The following SYT1 variants were observed in gnomAD, a reference collection of about 807,000 sequenced individuals.
SYT1 encodes synaptotagmin-1.
Under a neutral mutation model 44.8 loss-of-function variants are expected in SYT1, and 8 were observed. The observed-to-expected ratio is 0.18, with a 90% confidence interval of 0.10 to 0.32. The LOEUF (loss-of-function observed/expected upper bound fraction) is 0.32. Among genes scored for constraint, SYT1 ranks in the 10% least tolerant of loss-of-function variants. The pLI is 1.00. For synonymous variants in SYT1, 154 were observed against 188.8 expected, an observed-to-expected ratio of 0.82 and a Z score of 1.51; for missense variants, 286 against 509.3, an observed-to-expected ratio of 0.56 and a Z score of 4.22.
At chr12:79,148,029 A>G (rs1870030779) in intron 3 of SYT1, among the ~76,000 whole-genome samples, 1 of 152,138 alleles carries the variant, frequency 6.6e-6, no homozygotes, top group East Asian at 1.9e-4. Context: ...CATTAATGAA[A>G]AAAAAGATTT....
At chr12:79,342,538 G>C (rs78131472) in intron 8 of SYT1, among the ~76,000 whole-genome samples, 3,485 of 152,256 alleles carry the variant, frequency 0.023, 53 homozygotes, top group Middle Eastern at 0.065. Context: ...TTATTTAAAA[G>C]GTGACTCTGT....
intron 8 of SYT1, among the ~76,000 whole-genome samples, chr12:79,305,686 GTCTAAAAGCCTACACTTGCCATT>G (rs1880358836): frequency 6.6e-6 from 1 of 152,080 alleles, no homozygotes; most frequent in African/African-American, 2.4e-5. Context: ...TCAAACACAG[GTCTAAAAGCCTACACTTGCCATT>G]TTTTGAGATT....
chr12:79,342,038 G>T (rs1318487624), intron 8 of SYT1, among the ~76,000 whole-genome samples: 1 of 151,996 alleles, frequency 6.6e-6, no homozygotes, highest in Non-Finnish European at 1.5e-5. Context: ...AGTGTAGGTG[G>T]CGTGGCACAG....
At chr12:79,291,110 A>G (rs923795359) in intron 5 of SYT1, among the ~76,000 whole-genome samples, 1 of 152,208 alleles carries the variant, frequency 6.6e-6, no homozygotes, top group Non-Finnish European at 1.5e-5. Flanking sequence ...ATTTTTTAAA[A>G]AGAAGAGCAT....
intron 1 of SYT1, among the ~76,000 whole-genome samples, chr12:78,956,116 A>C (rs570136209): frequency 6.2e-4 from 95 of 152,072 alleles, no homozygotes; most frequent in Non-Finnish European, 9.9e-4. Context: ...TTTGAATGGA[A>C]ATGTGGTATG....
At chr12:78,961,599 G>A (rs1879508036) in intron 1 of SYT1, among the ~76,000 whole-genome samples, 1 of 151,806 alleles carries the variant, frequency 6.6e-6, no homozygotes, top group African/African-American at 2.4e-5. Flanking sequence ...TATTTCCCTG[G>A]GTCGCAAGCA....
At chr12:79,268,445 G>C (rs1878247876) in intron 4 of SYT1, among the ~76,000 whole-genome samples, 1 of 152,142 alleles carries the variant, frequency 6.6e-6, no homozygotes, top group African/African-American at 2.4e-5. Flanking sequence ...ATATATGTTA[G>C]TCAAATCTGC....
intron 1 of SYT1, among the ~76,000 whole-genome samples, chr12:78,896,691 A>G (rs1252117636): frequency 6.6e-6 from 1 of 151,848 alleles, no homozygotes; most frequent in African/African-American, 2.4e-5. Flanking sequence ...TATAATGTAG[A>G]AAGCCATGCC....
At chr12:79,354,911 T>C (rs1481471390) in intron 9 of SYT1, among the ~76,000 whole-genome samples, 1 of 152,216 alleles carries the variant, frequency 6.6e-6, no homozygotes, top group Non-Finnish European at 1.5e-5. Context: ...GATTTCTTTG[T>C]ATCCTGTCTC....
intron 9 of SYT1, among the ~76,000 whole-genome samples, chr12:79,386,234 T>C (rs868663017): frequency 2.6e-5 from 4 of 152,038 alleles, no homozygotes; most frequent in African/African-American, 9.7e-5. Flanking sequence ...ATTTAAATAA[T>C]AAATTTCCAA....
At chr12:79,009,120 T>C (rs901511634) in intron 2 of SYT1, among the ~76,000 whole-genome samples, 1 of 152,168 alleles carries the variant, frequency 6.6e-6, no homozygotes, top group Non-Finnish European at 1.5e-5. Flanking sequence ...CCTCTTTTTG[T>C]TATTATGTGA....
intron 1 of SYT1, among the ~76,000 whole-genome samples, chr12:78,973,014 C>G (rs1868488417): frequency 1.3e-5 from 2 of 152,094 alleles, no homozygotes; most frequent in African/African-American, 4.8e-5. Context: ...TTTTGCTTTC[C>G]CATTAGCCTC....
chr12:78,996,636 G>A (rs1316017583), intron 2 of SYT1, among the ~76,000 whole-genome samples: 1 of 152,134 alleles, frequency 6.6e-6, no homozygotes, highest in East Asian at 1.9e-4. Flanking sequence ...ACATCAAACA[G>A]CATATGCAGA....
At chr12:78,945,717 A>ATC (rs1878619755) in intron 1 of SYT1, among the ~76,000 whole-genome samples, 2 of 152,128 alleles carry the variant, frequency 1.3e-5, no homozygotes, top group African/African-American at 4.8e-5. Context: ...AAAGACATGA[A>ATC]TCTCGTAATA....
chr12:79,347,921 A>G (rs536643226), intron 8 of SYT1, among the ~76,000 whole-genome samples: 26 of 152,282 alleles, frequency 1.7e-4, no homozygotes, highest in African/African-American at 6.0e-4. Flanking sequence ...AAGAGGTAAC[A>G]TGCAAGCAGA....
At chr12:79,078,930 A>G (rs1158186121) in intron 3 of SYT1, among the ~76,000 whole-genome samples, 1 of 152,176 alleles carries the variant, frequency 6.6e-6, no homozygotes, top group African/African-American at 2.4e-5. Flanking sequence ...ATTGTACTCA[A>G]TGGTAAGTGA....
intron 2 of SYT1, among the ~76,000 whole-genome samples, chr12:78,991,964 G>A (rs1592640348): frequency 6.6e-6 from 1 of 152,114 alleles, no homozygotes; most frequent in South Asian, 2.1e-4. Flanking sequence ...TGCAGCCTCA[G>A]AATGTAGATC....
rs1424723751 is a variant in SYT1 at position 79,040,474 on chromosome 12, G to GT, written c.-83-6816dup. On this transcript the variant is annotated intron_variant, in intron 2 of 10. Coordinates refer to ENST00000261205, the MANE Select transcript of SYT1 (RefSeq NM_005639.3). The stretch of plus-strand genomic sequence containing the variant: ...CACCCACTTTTTGATGGGGTTGTTT[G>GT]TTTTTTTCTTGTAAATTTGTTTGAG... 1.2e-4 allele frequency among the ~76,000 whole-genome samples: 19 copies of GT among 152,096 alleles called. No homozygotes were observed. The South Asian group carries it at 2.9e-3, about 23-fold the overall frequency.
At chr12:79,159,485 GAGAT>G (rs1017056491) in intron 3 of SYT1, among the ~76,000 whole-genome samples, 12 of 152,140 alleles carry the variant, frequency 7.9e-5, no homozygotes, top group South Asian at 2.1e-4. Flanking sequence ...GAGAGACAGA[GAGAT>G]AGACCATGTT....
Sources: gnomAD v4.1 joint callset for allele counts (sites outside exome capture counted in the v4.1 genomes callset) on GRCh38, gnomAD v4.1.1 for gene constraint, MANE v1.5 for transcripts, NCBI Gene and HGNC (gene_info 2026-07-23, HGNC 2026-07-21) for gene names.